The following NSD2 variants were observed in gnomAD, a reference collection of about 807,000 sequenced individuals.
NSD2 encodes the protein histone-lysine N-methyltransferase NSD2.
Under a neutral mutation model 139.0 loss-of-function variants are expected in NSD2, and 12 were observed. The ratio of observed to expected loss-of-function variants is 0.09; its 90% CI spans 0.06 to 0.14. The LOEUF (loss-of-function observed/expected upper bound fraction) is 0.14, where lower values mean the gene tolerates loss of function less well. Among genes scored for constraint, NSD2 ranks in the 10% least tolerant of loss-of-function variants. The pLI, the probability that NSD2 is intolerant of heterozygous loss-of-function variation, is 1.00. For synonymous variants in NSD2, 669 were observed against 648.7 expected (o/e 1.03, Z -0.48); for missense variants, 1,155 against 1,745.0 (o/e 0.66, Z 6.02).
rs2108870877 is a variant in NSD2 at position 1,871,552 on chromosome 4, G to C, written c.-30+10G>C. 6.6e-6 allele frequency: 1 copy of C among 151,460 alleles called. No individual in the cohort carries two copies. Among genetic ancestry groups the C allele is most frequent in the South Asian group, 1.9e-4 (1 of 5,326 alleles). The allele number at this position is 151,460 out of a possible 1,614,324, so 9.4% of individuals were successfully genotyped here. ...ATGCGACGCACCGCAGGTCACTGGG[G>C]CGCCCGCCCAACAGTCGCGGGCCGC... On this transcript the variant is annotated intron_variant, in intron 1 of 21. Transcript: ENST00000508803.
intron 1 of NSD2, among the ~76,000 whole-genome samples, chr4:1,888,899 G>GTT (rs1274324016): frequency 6.8e-6 from 1 of 146,698 alleles, no homozygotes. Context: ...ATGTATATTA[G>GTT]TATTTTTTTT....
chr4:1,964,890 A>C (rs1725723908), intron 18 of NSD2, among the ~76,000 whole-genome samples: 1 of 152,144 alleles, frequency 6.6e-6, no homozygotes, highest in Non-Finnish European at 1.5e-5. Flanking sequence ...AAAGACCTTA[A>C]ATTTCCATCT....
chr4:1,872,000 C>T (rs1012078917), intron 1 of NSD2, among the ~76,000 whole-genome samples: 6 of 150,296 alleles, frequency 4.0e-5, no homozygotes, highest in African/African-American at 1.2e-4. Flanking sequence ...TTGTGCGGCG[C>T]CCCCGGTCCG....
chr4:1,897,608 C>T (rs549967626), intron 1 of NSD2, among the ~76,000 whole-genome samples: 8 of 152,172 alleles, frequency 5.3e-5, no homozygotes, highest in African/African-American at 9.6e-5. Context: ...GACAAGATCC[C>T]GTCTCTACAA....
At chr4:1,941,780 T>C in intron 9 of NSD2, 2 of 1,049,998 alleles carry the variant, frequency 1.9e-6, no homozygotes, top group Non-Finnish European at 2.3e-6. Flanking sequence ...TTTATAGAAT[T>C]ATGCTGTTAA....
rs1726034886 is a variant in NSD2, at chr4:1,967,726, A to G, written c.3372+6575A>G. Among the ~76,000 whole-genome samples, 2 of 152,330 alleles carry G rather than the reference A, an allele frequency of 1.3e-5. 1 individual carries two copies. On this transcript the variant is annotated intron_variant, in intron 18 of 21. Transcript: ENST00000508803. ...CATCTCTGACACAGTCAGTGTTGCC[A>G]GAGAAGAAAGGCTTTCATGTGGGTG... is the stretch of plus-strand genomic sequence containing the variant.
At chr4:1,889,594 T>G (rs1197232840) in intron 1 of NSD2, among the ~76,000 whole-genome samples, 1 of 151,920 alleles carries the variant, frequency 6.6e-6, no homozygotes, top group Non-Finnish European at 1.5e-5. Flanking sequence ...CTCCGCCTCC[T>G]GAGTTCAAGC....
At chr4:1,923,097 C>G (rs1398644523) in intron 5 of NSD2, among the ~76,000 whole-genome samples, 1 of 152,018 alleles carries the variant, frequency 6.6e-6, no homozygotes, top group Admixed American at 6.6e-5. Context: ...ACTTGGCCAG[C>G]ATGGGAGAGG....
intron 3 of NSD2, among the ~76,000 whole-genome samples, chr4:1,915,500 C>T (rs1485095139): frequency 1.3e-5 from 2 of 152,130 alleles, no homozygotes; most frequent in African/African-American, 4.8e-5. Flanking sequence ...CAGGGTTTCT[C>T]TGTTGGGTAT....
At position 1,871,405 on chromosome 4, in the gene NSD2, G is replaced by A. The variant is rs1713743971; in HGVS notation, c.-167G>A. 1 of 144,774 alleles carries A rather than the reference G, an allele frequency of 6.9e-6. No individual in the cohort carries two copies. The highest frequency in any genetic ancestry group is 1.5e-5 in the Non-Finnish European group (1 of 65,204). The allele number at this position is 144,774 out of a possible 1,614,324, so 9.0% of individuals were successfully genotyped here. ...CGGGGGCGGGGTCGGCGCCGCGCGC[G>A]AGAGCCTCGGCCTGGCCGCGCTGCG... On this transcript the variant is annotated 5_prime_UTR_variant, in exon 1 of 22. Coordinates refer to ENST00000508803, the MANE Select transcript of NSD2 (RefSeq NM_001042424.3).
chr4:1,927,328 G>T (rs191768591), intron 5 of NSD2, among the ~76,000 whole-genome samples: 7 of 152,298 alleles, frequency 4.6e-5, no homozygotes, highest in African/African-American at 1.7e-4. Context: ...TTGAGCTCTA[G>T]GAGGCAGGGC....
chr4:1,926,230 C>G (rs1268868764), intron 5 of NSD2, among the ~76,000 whole-genome samples: 1 of 150,496 alleles, frequency 6.6e-6, no homozygotes, highest in Non-Finnish European at 1.5e-5. Context: ...TCTCGGCTCA[C>G]TGCAACCTCC....
At position 1,958,164 on chromosome 4, in the gene NSD2, C is replaced by A; in HGVS notation, c.2985+128C>A. 1.1e-6 allele frequency: 1 copy of A among 878,664 alleles called. No individual in the cohort carries two copies. 54.4% of individuals were successfully genotyped at this position (878,664 alleles called of 1,614,324 possible). ...ACCAGCCAGGATCTGTGGTGCCTGG[C>A]ATGGATGGCCACACAAGAGACCATG... On this transcript the variant is annotated intron_variant, in intron 16 of 21. Coordinates refer to ENST00000508803, the MANE Select transcript of NSD2 (RefSeq NM_001042424.3). The surrounding 1 kb of genome is among the most constrained non-coding windows in gnomAD (Gnocchi z 4.6).
chr4:1,938,409 T>TTTGTTTG, intron 7 of NSD2, 42 bp from the exon 8 acceptor site: 3 of 1,194,380 alleles, frequency 2.5e-6, no homozygotes, highest in Middle Eastern at 3.1e-4. Flanking sequence ...TTCTTTTTTT[T>TTTGTTTG]TTCTTTCTTT....
At position 1,939,642 on chromosome 4, in the gene NSD2, A is replaced by C. The variant is rs1722872515; in HGVS notation, c.1757-12A>C. 1 of 1,613,658 alleles carries C rather than the reference A, an allele frequency of 6.2e-7. No homozygotes were observed. Among genetic ancestry groups the C allele is most frequent in the Non-Finnish European group, 8.5e-7 (1 of 1,179,664 alleles). On this transcript the variant is annotated splice_polypyrimidine_tract_variant and intron_variant, in intron 8 of 21. Transcript: ENST00000508803. ...ATGATTTGAAACTTTACAAACCAAA[A>C]TTATTTTACAGCAACGAAAAATCTG...
At chr4:1,977,273 G>A (rs1361047386) in intron 21 of NSD2, among the ~76,000 whole-genome samples, 4 of 152,240 alleles carry the variant, frequency 2.6e-5, no homozygotes, top group African/African-American at 7.2e-5. Context: ...GATGACAGGC[G>A]CCAGTGGGAA....
chr4:1,952,892 G>T, intron 11 of NSD2: 1 of 1,379,652 alleles, frequency 7.2e-7, no homozygotes, highest in Non-Finnish European at 9.3e-7. Context: ...GACACCTGGA[G>T]AGTCTCCCAG....
At chr4:1,945,701 C>A in intron 9 of NSD2, 1 of 1,063,370 alleles carries the variant, frequency 9.4e-7, no homozygotes, top group Non-Finnish European at 1.1e-6. Flanking sequence ...CTCGTTTGAT[C>A]CAGTTGAGTT....
chr4:1,883,760 C>T (rs920544276), intron 1 of NSD2, among the ~76,000 whole-genome samples: 4 of 152,174 alleles, frequency 2.6e-5, no homozygotes, highest in Non-Finnish European at 5.9e-5. Flanking sequence ...TCCATGGCTG[C>T]ATTCCCAGAG....
Sources: allele counts gnomAD v4.1 joint callset (sites outside exome capture counted in the v4.1 genomes callset), GRCh38; gene constraint gnomAD v4.1.1; non-coding constraint Gnocchi (gnomAD v3.1); transcripts MANE v1.5; gene names NCBI Gene and HGNC (gene_info 2026-07-23, HGNC 2026-07-21).